Variants in C3 observed in about 807,000 individuals in gnomAD.
The protein encoded by C3 is C3 and PZP-like alpha-2-macroglobulin domain-containing protein 1.
A neutral mutation model predicts 207.9 loss-of-function variants in C3; 97 were observed. That is an observed-to-expected ratio of 0.47 (90% CI 0.40 to 0.55). The LOEUF is 0.55. Ranked by LOEUF, C3 falls within the 20% of genes least tolerant of loss-of-function variation. The pLI is 0.00. For synonymous variants in C3, 848 were observed against 857.6 expected (o/e 0.99, Z 0.20); for missense variants, 1,684 against 2,171.7 (o/e 0.78, Z 4.46).
chr19:6,707,759 G>A, intron 15 of C3, 41 bp downstream of exon 15: 1 of 1,610,480 alleles, frequency 6.2e-7, no homozygotes, highest in Non-Finnish European at 8.5e-7. Flanking sequence ...GGAGGTGGAG[G>A]TGCTGTCTGT....
At chr19:6,683,697 C>T (rs907926944) in intron 33 of C3, among the ~76,000 whole-genome samples, 10 of 152,064 alleles carry the variant, frequency 6.6e-5, no homozygotes, top group African/African-American at 1.2e-4. Flanking sequence ...GTGATCTGCC[C>T]GCCTCAGCCT....
rs747930736 is a variant in C3, at chr19:6,696,617, G to C, written c.2839C>G (p.Leu947Val). The C allele has an allele frequency of 1.9e-6, 3 of 1,613,976 alleles. No homozygotes were observed. The highest frequency in any genetic ancestry group is 1.3e-5 in the African/African-American group (1 of 74,896). ...RMNKTVAVRT[L>V]DPERLGREGV... ...CCACGGCCCAGGCGTTCTGGATCCA[G>C]GGTGCGAACAGCCACAGTTTTGTTC... Residue 947 changes from leucine to valine, a missense_variant, in exon 22 of 41, where the codon CTG becomes GTG. Physicochemically the swap from Leu to Val is conservative, Grantham distance 32. This residue lies in a region of C3 where 1,280 missense variants were observed against 1,739.1 expected (regional missense o/e 0.74). Coordinates refer to ENST00000245907, the MANE Select transcript of C3 (RefSeq NM_000064.4).
At chr19:6,695,306 G>A (rs1967508717) in intron 23 of C3, among the ~76,000 whole-genome samples, 1 of 151,750 alleles carries the variant, frequency 6.6e-6, no homozygotes, top group Non-Finnish European at 1.5e-5. Flanking sequence ...ACCCTTGGAG[G>A]TAGATACTAT....
At chr19:6,692,801 CAG>C in intron 26 of C3, 121 bp downstream of exon 26, 1 of 1,251,468 alleles carries the variant, frequency 8.0e-7, no homozygotes, top group East Asian at 2.3e-5. Flanking sequence ...CCCCACCCCC[CAG>C]CCCAATCTTT....
At chr19:6,711,974 G>A (rs1221657851) in intron 11 of C3, among the ~76,000 whole-genome samples, 3 of 152,204 alleles carry the variant, frequency 2.0e-5, no homozygotes, top group African/African-American at 7.2e-5. Context: ...CTCAAACTGC[G>A]GACCCCTCCA....
intron 25 of C3, 147 bp from the exon 26 acceptor site, chr19:6,693,230 C>A: frequency 9.0e-7 from 1 of 1,110,622 alleles, no homozygotes; most frequent in African/African-American, 1.5e-5. Flanking sequence ...CTGTTGTATG[C>A]GGTCCGTGCT....
intron 19 of C3, among the ~76,000 whole-genome samples, chr19:6,700,974 A>T (rs1215974675): frequency 6.6e-6 from 1 of 151,724 alleles, no homozygotes; most frequent in Non-Finnish European, 1.5e-5. Context: ...CTGTACCCCC[A>T]CCCTGTCTAG....
chr19:6,700,971 C>A (rs79434713), intron 19 of C3, among the ~76,000 whole-genome samples: 6,250 of 151,670 alleles, frequency 0.041, 201 homozygotes, highest in Non-Finnish European at 0.06. Flanking sequence ...AGACTGTACC[C>A]CCACCCTGTC....
In C3 at chr19:6,718,380, C is replaced by G. The variant is rs1455156500; in HGVS notation, c.300G>C (p.Lys100Asn). 6.2e-7 allele frequency: 1 copy of G among 1,614,244 alleles called. No individual in the cohort carries two copies. Among genetic ancestry groups the G allele is most frequent in the Non-Finnish European group, 8.5e-7 (1 of 1,180,054 alleles). Reference protein sequence around the residue: ...IPANREFKSEKGRNKFVTVQA... With the variant: ...IPANREFKSENGRNKFVTVQA... ...GCACGGTCACGAACTTGTTGCGCCC[C>G]TTTTCTGACTTGAACTCCCTGTTGG... The change falls in exon 3 of 41, where the codon AAG (lysine) becomes AAC (asparagine). Residue 100 changes from lysine (K) to asparagine (N), a missense_variant. By Grantham distance (94) the Lys-to-Asn change is moderately conservative. This residue lies in a region of C3 where 1,280 missense variants were observed against 1,739.1 expected (regional missense o/e 0.74). Transcript: ENST00000245907.
At position 6,719,185 on chromosome 19, in the gene C3, C is replaced by G. The variant is rs778432122; in HGVS notation, c.267+26G>C. 1.9e-6 allele frequency: 3 copies of G among 1,609,380 alleles called. No homozygotes were observed. The highest frequency in any genetic ancestry group is 2.2e-5 in the South Asian group (2 of 90,982). On this transcript the variant is annotated intron_variant, in intron 2 of 40. Coordinates refer to ENST00000245907, the MANE Select transcript of C3 (RefSeq NM_000064.4). This position sits in a 1 kb window ranked among gnomAD's most constrained non-coding sequence, Gnocchi z 5.4. ...AGTGGGCGTGGCTGTGGGTGTCAGC[C>G]GGGTCCTGCGCCAGTCTGCACTCAC...
At chr19:6,691,074 G>GTTTTTTT (rs1918154939) in intron 26 of C3, among the ~76,000 whole-genome samples, 3 of 137,242 alleles carry the variant, frequency 2.2e-5, no homozygotes, top group Non-Finnish European at 1.6e-5. Context: ...TTTTTTTTTG[G>GTTTTTTT]GACAGTTTTG....
chr19:6,684,453 A>G lies in C3; in HGVS notation c.4121-14T>C, dbSNP rs776845548. 4 of 1,610,860 alleles carry G rather than the reference A, an allele frequency of 2.5e-6. No individual in the cohort carries two copies. The highest frequency in any genetic ancestry group is 2.5e-6 in the Non-Finnish European group (3 of 1,177,140). On this transcript the variant is annotated splice_polypyrimidine_tract_variant and intron_variant, in intron 32 of 40. Coordinates refer to ENST00000245907, the MANE Select transcript of C3 (RefSeq NM_000064.4). ...GAGGCCTCTTTTCTAGAAACACAGA[A>G]GAGAGAAAGATGGGAGAGGGTATAC...
intron 9 of C3, 132 bp from the exon 10 acceptor site, chr19:6,712,755 G>GC (rs1185436947): frequency 2.5e-6 from 2 of 788,984 alleles, no homozygotes; most frequent in Non-Finnish European, 2.2e-6. Flanking sequence ...CTGGGCCTGT[G>GC]CCCCCCATCA....
intron 27 of C3, among the ~76,000 whole-genome samples, chr19:6,688,281 C>G (rs1433747161): frequency 6.6e-6 from 1 of 151,752 alleles, no homozygotes; most frequent in Admixed American, 6.6e-5. Flanking sequence ...CAGGCGCCCC[C>G]CTCCACCATG....
In C3 at chr19:6,694,564, G is replaced by A. The variant is rs1317437930; in HGVS notation, c.3021C>T (p.Pro1007=). 5 of 1,613,980 alleles carry A rather than the reference G, an allele frequency of 3.1e-6. No individual in the cohort carries two copies. The highest frequency in any genetic ancestry group is 1.7e-6 in the Non-Finnish European group (2 of 1,179,994). The change falls in exon 24 of 41, where the codon CCC becomes CCT. Residue 1007 remains proline, a synonymous_variant. Transcript: ENST00000245907. The part of the protein sequence containing the change: ...AERLKHLIVT[P]SGCGEQNMIG... ...TCATGTTCTGTTCCCCGCAGCCCGA[G>A]GGGGTCACAATGAGGTGCTTCAGCC...
Position 6,719,413 on chromosome 19 carries a change from TG to T in C3, c.75-11del. The T allele has an allele frequency of 1.2e-6, 2 of 1,613,000 alleles. No individual in the cohort carries two copies. Among genetic ancestry groups the T allele is most frequent in the South Asian group, 2.2e-5 (2 of 91,046 alleles). On this transcript the variant is annotated splice_polypyrimidine_tract_variant and intron_variant, in intron 1 of 40. Coordinates refer to ENST00000245907, the MANE Select transcript of C3 (RefSeq NM_000064.4). This position sits in a 1 kb window ranked among gnomAD's most constrained non-coding sequence, Gnocchi z 5.4. ...GGTGATGATAGAGTACCTGTCGGAG[TG>T]GGGCACGGGAGTGGGCTTGTCATTC...
rs539992721 is a variant in C3, at chr19:6,719,285, T to G, written c.193A>C (p.Lys65Gln). 237 of 1,613,908 alleles carry G rather than the reference T, an allele frequency of 1.5e-4. No individual in the cohort carries two copies. The highest frequency in any genetic ancestry group is 1.8e-4 in the Non-Finnish European group (215 of 1,179,972). Reference sequence around the variant, plus strand: ...TTCTCACTGGACAGCACTAGTTTTTTGCCTGGGAAGTCGTGGACAGTAACA... The same window carrying G: ...TTCTCACTGGACAGCACTAGTTTTTGGCCTGGGAAGTCGTGGACAGTAACA... Reference protein sequence around the residue: ...VTVTVHDFPGKKLVLSSEKTV... With the variant: ...VTVTVHDFPGQKLVLSSEKTV... Residue 65 changes from lysine (K) to glutamine (Q), a missense_variant, in exon 2 of 41, where the codon AAA (lysine) becomes CAA (glutamine). Transcript: ENST00000245907. This position sits in a 1 kb window ranked among gnomAD's most constrained non-coding sequence, Gnocchi z 5.4.
At position 6,685,128 on chromosome 19, in the gene C3, G is replaced by A; in HGVS notation, c.3829C>T (p.Gln1277Ter). The stretch of plus-strand genomic sequence containing the variant: ...TCCTTTTGGTATTGAGCCAAGGCTT[G>A]GAACACCATGAAGGTGGCCTAGAAC... Reference protein sequence around the residue: ...GSTQATFMVFQALAQYQKDAP... With the variant: ...GSTQATFMVF The change falls in exon 30 of 41, where the codon CAA becomes TAA. Residue 1277 changes from glutamine (Q) to a stop codon, truncating the protein, a stop_gained. Transcript: ENST00000245907. LOFTEE classifies it high-confidence loss of function. The A allele has an allele frequency of 6.2e-7, 1 of 1,613,884 alleles. No homozygotes were observed. The highest frequency in any genetic ancestry group is 1.7e-5 in the Admixed American group (1 of 59,966).
In C3 at chr19:6,700,474, TATATA is replaced by T. The variant is rs1279656037; in HGVS notation, c.2440+1648_2440+1652del. ...TGTAATATATATGTTATATATGTAA[TATATA>T]ATATATGTAATATGATATATTATAT... On this transcript the variant is annotated intron_variant, in intron 19 of 40. Transcript: ENST00000245907. Among the ~76,000 whole-genome samples, 6 of 36,732 alleles carry T rather than the reference TATATA, an allele frequency of 1.6e-4. 3 individuals are homozygous for T. Among genetic ancestry groups the T allele is most frequent in the East Asian group, 2.7e-3 (2 of 734 alleles). 24.1% of individuals were successfully genotyped at this position (36,732 alleles called of 152,430 possible). A position where few individuals can be genotyped will look rare whatever the true frequency, so the allele number is the denominator to read the frequency against.
Sources: allele counts gnomAD v4.1 joint callset (sites outside exome capture counted in the v4.1 genomes callset), GRCh38; gene constraint gnomAD v4.1.1; regional missense constraint gnomAD v4.1.1; non-coding constraint Gnocchi (gnomAD v3.1); transcripts MANE v1.5; gene names NCBI Gene and HGNC (gene_info 2026-07-23, HGNC 2026-07-21).